The following RIC1 variants were observed in gnomAD, a reference collection of about 807,000 sequenced individuals.
RIC1 encodes guanine nucleotide exchange factor subunit RIC1.
A neutral mutation model predicts 169.0 loss-of-function variants in RIC1; 88 were observed. The observed-to-expected ratio is 0.52, with a 90% CI of 0.44 to 0.62. RIC1 has a LOEUF of 0.62. Among genes scored for constraint, RIC1 ranks in the 20% least tolerant of loss-of-function variants. The pLI is 0.00. For missense variants in RIC1, 1,877 were observed against 1,725.5 expected, an observed-to-expected ratio of 1.09 and a Z score of -1.56; for synonymous variants, 790 against 601.5, an observed-to-expected ratio of 1.31 and a Z score of -4.59.
chr9:5,731,165 A>G (rs1250481329), intron 6 of RIC1, among the ~76,000 whole-genome samples: 1 of 152,096 alleles, frequency 6.6e-6, no homozygotes, highest in Non-Finnish European at 1.5e-5. Flanking sequence ...TCTTGACTCA[A>G]ATGTAAAGCA....
intron 6 of RIC1, among the ~76,000 whole-genome samples, chr9:5,726,381 C>CT (rs1018095545): frequency 1.1e-4 from 17 of 151,912 alleles, no homozygotes; most frequent in South Asian, 2.1e-4. Flanking sequence ...GCAACCCCTG[C>CT]TTTTTTTTGT....
At chr9:5,703,876 A>G (rs942803507) in intron 3 of RIC1, among the ~76,000 whole-genome samples, 1 of 152,158 alleles carries the variant, frequency 6.6e-6, no homozygotes, top group Non-Finnish European at 1.5e-5. Context: ...TTGTATTTGA[A>G]CACCTGTTTT....
chr9:5,693,403 A>G (rs773219697), intron 3 of RIC1, among the ~76,000 whole-genome samples: 12 of 152,206 alleles, frequency 7.9e-5, no homozygotes, highest in Non-Finnish European at 1.8e-4. Context: ...TGTTGTTTCT[A>G]GCATCCTTCT....
intron 8 of RIC1, among the ~76,000 whole-genome samples, chr9:5,740,407 G>T (rs1415694608): frequency 6.6e-6 from 1 of 151,692 alleles, no homozygotes; most frequent in African/African-American, 2.4e-5. Flanking sequence ...AATCACTCCT[G>T]GTACCAATAT....
In RIC1 at chr9:5,776,233, C is replaced by T. The variant is rs1455916650; in HGVS notation, c.*1987C>T. ...TTTACAACTAATAGAGATAGGAGGC[C>T]CCCAGGCAAGAAGTTTGGCAGGTTT... is the stretch of plus-strand genomic sequence containing the variant. On this transcript the variant is annotated 3_prime_UTR_variant, in exon 26 of 26. Transcript: ENST00000414202. The T allele has an allele frequency of 6.6e-6, 1 of 151,948 alleles. No individual in the cohort carries two copies. Among genetic ancestry groups the T allele is most frequent in the Non-Finnish European group, 1.5e-5 (1 of 67,944 alleles). The allele number at this position is 151,948 out of a possible 1,614,324, so 9.4% of individuals were successfully genotyped here.
intron 3 of RIC1, among the ~76,000 whole-genome samples, chr9:5,697,589 G>A (rs1821978073): frequency 6.6e-6 from 1 of 152,072 alleles, no homozygotes; most frequent in African/African-American, 2.4e-5. Context: ...TTTTATTATT[G>A]TAAGCATTCC....
intron 8 of RIC1, among the ~76,000 whole-genome samples, chr9:5,740,579 A>G (rs1040278439): frequency 9.2e-5 from 14 of 151,538 alleles, no homozygotes; most frequent in African/African-American, 3.4e-4. Context: ...CCGAGTTCCA[A>G]AACTGAAGAA....
chr9:5,742,537 A>C (rs1460026509), intron 8 of RIC1, among the ~76,000 whole-genome samples: 1 of 152,046 alleles, frequency 6.6e-6, no homozygotes, highest in Admixed American at 6.6e-5. Flanking sequence ...TTTTACTGTA[A>C]CCTTATCCTT....
rs188632005 is a variant in RIC1 at position 5,752,949 on chromosome 9, A to G, written c.1453-251A>G. Among the ~76,000 whole-genome samples the G allele has an allele frequency of 1.3e-4, 20 of 152,266 alleles. No individual in the cohort carries two copies. In the East Asian group the frequency reaches 3.9e-3, roughly 29 times the overall value. Reference sequence around the variant, plus strand: ...TGTCAGTCTGTATTTATTGAATTCAATATTTAAAACAAACAGAAACATAAG... The same window carrying G: ...TGTCAGTCTGTATTTATTGAATTCAGTATTTAAAACAAACAGAAACATAAG... On this transcript the variant is annotated intron_variant, in intron 12 of 25. Coordinates refer to ENST00000414202, the MANE Select transcript of RIC1 (RefSeq NM_020829.4).
intron 22 of RIC1, 134 bp downstream of exon 22, chr9:5,769,390 G>C: frequency 6.3e-7 from 1 of 1,589,132 alleles, no homozygotes; most frequent in Non-Finnish European, 8.6e-7. Context: ...CCAACTTTTT[G>C]TACATGAGTT....
At chr9:5,634,866 CCTT>C (rs1486615129) in intron 1 of RIC1, among the ~76,000 whole-genome samples, 2 of 151,976 alleles carry the variant, frequency 1.3e-5, no homozygotes, top group Admixed American at 6.6e-5. Flanking sequence ...AGTCTTTGAT[CCTT>C]CTTCTTATTT....
intron 8 of RIC1, among the ~76,000 whole-genome samples, chr9:5,740,271 GA>G (rs1824999109): frequency 2.0e-5 from 3 of 152,042 alleles, no homozygotes; most frequent in African/African-American, 7.2e-5. Context: ...TCACGTCAAG[GA>G]CTGTCAGTGC....
intron 4 of RIC1, among the ~76,000 whole-genome samples, chr9:5,717,728 G>C (rs12379318): frequency 0.44 from 66,673 of 151,044 alleles, 15,887 homozygotes; most frequent in East Asian, 0.87. Context: ...GCCTGTCATC[G>C]CAGCTACTCA....
chr9:5,737,106 T>C (rs1436963209), intron 7 of RIC1, among the ~76,000 whole-genome samples: 2 of 152,152 alleles, frequency 1.3e-5, no homozygotes, highest in Non-Finnish European at 2.9e-5. Context: ...AAATGTTGCA[T>C]AAGTAATCTA....
chr9:5,684,874 A>T (rs1231310525), intron 2 of RIC1, among the ~76,000 whole-genome samples: 2 of 152,178 alleles, frequency 1.3e-5, no homozygotes, highest in Non-Finnish European at 2.9e-5. Flanking sequence ...TTAATCAGGA[A>T]TGGATGTTGA....
At position 5,763,586 on chromosome 9, in the gene RIC1, A is replaced by T. The variant is rs147383296; in HGVS notation, c.2559A>T (p.Thr853=). 1 of 1,614,132 alleles carries T rather than the reference A, an allele frequency of 6.2e-7. No individual in the cohort carries two copies. The highest frequency in any genetic ancestry group is 2.2e-5 in the East Asian group (1 of 44,878). Residue 853 remains threonine, a synonymous_variant, in exon 19 of 26, where the codon ACA becomes ACT. Transcript: ENST00000414202. The surrounding 1 kb of genome is among the most constrained non-coding windows in gnomAD (Gnocchi z 5.2). ...QALLLAQSCA[T]LPYFPHVLEL... is the part of the protein sequence containing the mutation. ...TGCTCTTGGCCCAGTCCTGTGCCAC[A>T]TTACCTTACTTCCCTCATGTGCTGG...
chr9:5,640,822 C>G (rs1818201500), intron 1 of RIC1, among the ~76,000 whole-genome samples: 2 of 152,082 alleles, frequency 1.3e-5, no homozygotes, highest in Non-Finnish European at 2.9e-5. Context: ...CTGTGAAGGT[C>G]TTTGTTTCTC....
At position 5,643,062 on chromosome 9, in the gene RIC1, G is replaced by T. The variant is rs572101938; in HGVS notation, c.145-13521G>T. Among the ~76,000 whole-genome samples, 4 of 152,030 alleles carry T rather than the reference G, an allele frequency of 2.6e-5. No homozygotes were observed. The South Asian group carries it at 6.2e-4, about 24-fold the overall frequency. ...CACCTGTAACCTCAGCACTTTTGGGGGCCTAGGTGGGAGGATCACTTGAGC... is the reference window on the plus strand; with the variant it reads ...CACCTGTAACCTCAGCACTTTTGGGTGCCTAGGTGGGAGGATCACTTGAGC... On this transcript the variant is annotated intron_variant, in intron 1 of 25. Transcript: ENST00000414202.
chr9:5,662,530 A>G (rs1022656983), intron 2 of RIC1, among the ~76,000 whole-genome samples: 3 of 151,138 alleles, frequency 2.0e-5, no homozygotes, highest in Non-Finnish European at 4.4e-5. Context: ...TTATTGGTCT[A>G]TTCAGAGATT....
Sources: gnomAD v4.1 joint callset for allele counts (sites outside exome capture counted in the v4.1 genomes callset) on GRCh38, gnomAD v4.1.1 for gene constraint, Gnocchi (gnomAD v3.1) non-coding constraint, MANE v1.5 for transcripts, NCBI Gene and HGNC (gene_info 2026-07-23, HGNC 2026-07-21) for gene names.